The following COBL variants were observed in gnomAD, a reference collection of about 807,000 sequenced individuals.
COBL encodes cordon-bleu WH2 repeat protein, also known as protein cordon-bleu.
Under a neutral mutation model 98.8 loss-of-function variants are expected in COBL, and 51 were observed. The observed-to-expected ratio is 0.52, with a 90% CI of 0.41 to 0.65. The LOEUF (loss-of-function observed/expected upper bound fraction) is 0.65. Among genes scored for constraint, COBL ranks in the 30% least tolerant of loss-of-function variants. The pLI, the probability that COBL is intolerant of heterozygous loss-of-function variation, is 0.00. For missense variants in COBL, 1,617 were observed against 1,617.5 expected (o/e 1.00, Z 0.01); for synonymous variants, 634 against 651.7 (o/e 0.97, Z 0.41).
At chr7:51,230,304 C>CG (rs1794626471) in intron 1 of COBL, among the ~76,000 whole-genome samples, 2 of 152,198 alleles carry the variant, frequency 1.3e-5, no homozygotes, top group Non-Finnish European at 2.9e-5. Flanking sequence ...ACCACTGCCT[C>CG]TCCTGCCTCT....
intron 5 of COBL, among the ~76,000 whole-genome samples, chr7:51,142,992 G>A (rs1163567793): frequency 9.2e-5 from 14 of 152,124 alleles, no homozygotes; most frequent in Non-Finnish European, 1.9e-4. Flanking sequence ...GAGATGCAGT[G>A]CATGGTGCAA....
At chr7:51,135,243 G>A (rs1265756118) in intron 6 of COBL, among the ~76,000 whole-genome samples, 3 of 152,182 alleles carry the variant, frequency 2.0e-5, no homozygotes, top group Non-Finnish European at 4.4e-5. Flanking sequence ...GATTACAGGC[G>A]TGAGCTACTG....
intron 2 of COBL, among the ~76,000 whole-genome samples, chr7:51,209,605 G>C (rs1322786547): frequency 6.6e-6 from 1 of 152,180 alleles, no homozygotes; most frequent in Non-Finnish European, 1.5e-5. Context: ...ATAGCGAACA[G>C]ACTTCTTAAA....
At chr7:51,166,489 G>A (rs1787329880) in intron 5 of COBL, among the ~76,000 whole-genome samples, 1 of 151,996 alleles carries the variant, frequency 6.6e-6, no homozygotes, top group Non-Finnish European at 1.5e-5. Context: ...AAAAGCCTGA[G>A]GCCTGGTGTC....
At chr7:51,170,506 G>GATAT (rs3047166) in intron 5 of COBL, among the ~76,000 whole-genome samples, 1,380 of 132,000 alleles carry the variant, frequency 0.01, 11 homozygotes, top group African/African-American at 0.026. Context: ...CTGACACTGT[G>GATAT]ATATATATAT....
chr7:51,314,327 A>C (rs1412250888), intron 1 of COBL, among the ~76,000 whole-genome samples: 3 of 152,202 alleles, frequency 2.0e-5, no homozygotes, highest in Non-Finnish European at 4.4e-5. Flanking sequence ...TGAAAGTTTG[A>C]TTTTATAATA....
At chr7:51,315,997 A>G (rs1803532316) in intron 1 of COBL, among the ~76,000 whole-genome samples, 1 of 152,332 alleles carries the variant, frequency 6.6e-6, no homozygotes, top group Non-Finnish European at 1.5e-5. Context: ...ACCCTGGAAT[A>G]AAGGCAGGGA....
chr7:51,162,633 T>G (rs1229871069), intron 5 of COBL, among the ~76,000 whole-genome samples: 1 of 152,228 alleles, frequency 6.6e-6, no homozygotes, highest in Non-Finnish European at 1.5e-5. Context: ...CCGGTCAGGT[T>G]TACTCACCAT....
chr7:51,238,533 T>C (rs1159858758), intron 1 of COBL, among the ~76,000 whole-genome samples: 1 of 152,132 alleles, frequency 6.6e-6, no homozygotes, highest in Non-Finnish European at 1.5e-5. Flanking sequence ...CTAACAAAAT[T>C]GTCAGAGGCC....
chr7:51,203,601 C>G (rs1158483741), intron 2 of COBL, among the ~76,000 whole-genome samples: 1 of 147,954 alleles, frequency 6.8e-6, no homozygotes, highest in Non-Finnish European at 1.5e-5. Context: ...CAAAAATACA[C>G]TAACAAATCA....
rs1786379498 is a variant in COBL at position 51,017,419 on chromosome 7, C to A, written c.*132G>T. 1 of 765,910 alleles carries A rather than the reference C, an allele frequency of 1.3e-6. No homozygotes were observed. The highest frequency in any genetic ancestry group is 3.5e-5 in the African/African-American group (1 of 28,344). 47.4% of individuals were successfully genotyped at this position (765,910 alleles called of 1,614,324 possible). A position where few individuals can be genotyped will look rare whatever the true frequency, so the allele number is the denominator to read the frequency against. ...CGTTATACAGGAACACACCGAAAAT[C>A]AACTGTGCGCATTTGGCCTGTAGAC... On this transcript the variant is annotated 3_prime_UTR_variant, in exon 13 of 13. Coordinates refer to ENST00000265136, the MANE Select transcript of COBL (RefSeq NM_015198.5).
At chr7:51,035,105 C>A (rs575974700) in intron 8 of COBL, 1 of 152,308 alleles carries the variant, frequency 6.6e-6, no homozygotes, top group Admixed American at 6.5e-5. Context: ...GGGTGGCAGG[C>A]TGACCGATCC....
intron 1 of COBL, among the ~76,000 whole-genome samples, chr7:51,228,527 A>G (rs1444572102): frequency 6.6e-6 from 1 of 152,136 alleles, no homozygotes; most frequent in Non-Finnish European, 1.5e-5. Flanking sequence ...ATCCTACACA[A>G]TAGAATTTCA....
In COBL at chr7:51,298,058, G is replaced by A. The variant is rs546311958; in HGVS notation, c.41+18535C>T. Among the ~76,000 whole-genome samples, 4 of 152,252 alleles carry A rather than the reference G, an allele frequency of 2.6e-5. No individual in the cohort carries two copies. The South Asian group carries it at 8.3e-4, about 32-fold the overall frequency. On this transcript the variant is annotated intron_variant, in intron 1 of 12. Transcript: ENST00000265136. ...GCCAGTGACAGTGTATCACTTCTAAGGCTAGGTCATAAAAGGCCTTGCATT... is the reference window on the plus strand; with the variant it reads ...GCCAGTGACAGTGTATCACTTCTAAAGCTAGGTCATAAAAGGCCTTGCATT...
chr7:51,302,024 G>C (rs964767120), intron 1 of COBL, among the ~76,000 whole-genome samples: 13 of 152,298 alleles, frequency 8.5e-5, no homozygotes, highest in Admixed American at 2.0e-4. Flanking sequence ...GGCTCTGACA[G>C]GTCTTCAGTG....
At chr7:51,220,485 C>A (rs568934705) in intron 1 of COBL, among the ~76,000 whole-genome samples, 1 of 152,150 alleles carries the variant, frequency 6.6e-6, no homozygotes, top group Admixed American at 6.5e-5. Context: ...TGGACAGATG[C>A]GGCTGTTTGG....
chr7:51,310,632 G>A (rs1010697235), intron 1 of COBL, among the ~76,000 whole-genome samples: 1 of 152,102 alleles, frequency 6.6e-6, no homozygotes, highest in African/African-American at 2.4e-5. Context: ...TGACTTACCT[G>A]GTTTATCTTT....
At chr7:51,134,680 G>T (rs1039529586) in intron 6 of COBL, among the ~76,000 whole-genome samples, 1 of 152,142 alleles carries the variant, frequency 6.6e-6, no homozygotes, top group Non-Finnish European at 1.5e-5. Flanking sequence ...AAAGCAAAAA[G>T]ATATTCCCAG....
chr7:51,078,008 C>A (rs966743668), intron 7 of COBL, among the ~76,000 whole-genome samples: 1 of 152,172 alleles, frequency 6.6e-6, no homozygotes, highest in Non-Finnish European at 1.5e-5. Context: ...AAACTGAAGG[C>A]TGCAACCCAT....
Sources: gnomAD v4.1 joint callset for allele counts (sites outside exome capture counted in the v4.1 genomes callset) on GRCh38, gnomAD v4.1.1 for gene constraint, MANE v1.5 for transcripts, NCBI Gene and HGNC (gene_info 2026-07-23, HGNC 2026-07-21) for gene names.